The following DACH2 variants were observed in gnomAD, a reference collection of about 807,000 sequenced individuals.
DACH2 encodes dachshund homolog 2.
In DACH2, 17 loss-of-function variants were observed where a neutral mutation model predicts 35.8. That is an observed-to-expected ratio of 0.48 (90% CI 0.33 to 0.71). The LOEUF (loss-of-function observed/expected upper bound fraction) is 0.71. Among genes scored for constraint, DACH2 ranks in the 30% least tolerant of loss-of-function variants. The pLI is 0.02. For missense variants in DACH2, 469 were observed against 472.7 expected, an observed-to-expected ratio of 0.99 and a Z score of 0.07; for synonymous variants, 195 against 177.3, an observed-to-expected ratio of 1.10 and a Z score of -0.79.
At chrX:86,295,425 G>A (rs545979761) in intron 1 of DACH2, among the ~76,000 whole-genome samples, 51 of 111,815 alleles carry the variant, frequency 4.6e-4, no homozygotes, top group African/African-American at 1.4e-3. Context: ...GTTCCTATTC[G>A]CTCTAAGCAG....
At chrX:86,222,739 A>T (rs192955142) in intron 1 of DACH2, among the ~76,000 whole-genome samples, 1 of 111,146 alleles carries the variant, frequency 9.0e-6, no homozygotes. Context: ...AGTACTAGGA[A>T]ATGGGACACA....
At chrX:86,336,502 C>T (rs984638443) in intron 1 of DACH2, among the ~76,000 whole-genome samples, 4 of 111,480 alleles carry the variant, frequency 3.6e-5, no homozygotes, top group Admixed American at 2.9e-4. Flanking sequence ...AGCAGATGGG[C>T]CTGACTGTTA....
At chrX:86,160,649 T>C (rs1293027274) in intron 1 of DACH2, 39 of 500,545 alleles carry the variant, frequency 7.8e-5, no homozygotes, top group Non-Finnish European at 1.3e-4. Flanking sequence ...ACCAGCAATG[T>C]TGCCACAACG....
intron 1 of DACH2, among the ~76,000 whole-genome samples, chrX:86,284,293 A>G (rs1214365694): frequency 9.0e-6 from 1 of 111,448 alleles, no homozygotes; most frequent in African/African-American, 3.3e-5. Context: ...GGTATTTATC[A>G]TGAAGGGGTG....
At chrX:86,372,094 G>A (rs1011089386) in intron 1 of DACH2, among the ~76,000 whole-genome samples, 2 of 110,845 alleles carry the variant, frequency 1.8e-5, no homozygotes, top group East Asian at 2.8e-4. Flanking sequence ...CGATCTTTTC[G>A]AATTTTAAAT....
At chrX:86,758,777 A>C (rs1312579824) in intron 7 of DACH2, among the ~76,000 whole-genome samples, 1 of 111,964 alleles carries the variant, frequency 8.9e-6, no homozygotes, top group Non-Finnish European at 1.9e-5. Flanking sequence ...TATAATTTAT[A>C]ATTTTTGTGA....
chrX:86,732,999 G>A (rs1029645878), intron 6 of DACH2, among the ~76,000 whole-genome samples: 1 of 111,239 alleles, frequency 9.0e-6, no homozygotes, highest in Non-Finnish European at 1.9e-5. Flanking sequence ...GAGCCTGATG[G>A]GGGCTGGAGA....
At chrX:86,777,569 A>G (rs1169055168) in intron 7 of DACH2, among the ~76,000 whole-genome samples, 1 of 111,691 alleles carries the variant, frequency 9.0e-6, no homozygotes, top group Non-Finnish European at 1.9e-5. Context: ...TTTGTTGAGA[A>G]TACAAATAAC....
intron 2 of DACH2, among the ~76,000 whole-genome samples, chrX:86,483,276 T>A (rs905834047): frequency 9.9e-5 from 11 of 111,085 alleles, no homozygotes; most frequent in Non-Finnish European, 2.1e-4. Flanking sequence ...AATATATACC[T>A]GATGTTAATA....
At chrX:86,610,026 A>G (rs1450019137) in intron 3 of DACH2, among the ~76,000 whole-genome samples, 1 of 111,686 alleles carries the variant, frequency 9.0e-6, no homozygotes, top group Non-Finnish European at 1.9e-5. Flanking sequence ...AAGTCAGCCG[A>G]GTCTGTGTTT....
intron 2 of DACH2, among the ~76,000 whole-genome samples, chrX:86,476,578 G>C (rs2037846984): frequency 9.1e-6 from 1 of 110,306 alleles, no homozygotes; most frequent in African/African-American, 3.3e-5. Context: ...TGTCAGTTTT[G>C]GTTAACTTTT....
chrX:86,549,563 A>G lies in DACH2; in HGVS notation c.640+35172A>G, dbSNP rs752812813. The stretch of plus-strand genomic sequence containing the variant: ...CTTTCAGGTATAAGTTACGAATACT[A>G]TTTATATTTTTTTAAATTAAATTTT... On this transcript the variant is annotated intron_variant, in intron 3 of 11. Coordinates refer to ENST00000373125, the MANE Select transcript of DACH2 (RefSeq NM_053281.3). 2.7e-5 allele frequency among the ~76,000 whole-genome samples: 3 copies of G among 109,956 alleles called. No individual in the cohort carries two copies. The East Asian group carries it at 8.6e-4, about 32-fold the overall frequency.
At chrX:86,254,199 T>G (rs191004124) in intron 1 of DACH2, among the ~76,000 whole-genome samples, 1 of 111,639 alleles carries the variant, frequency 9.0e-6, no homozygotes, top group South Asian at 3.7e-4. Context: ...GCTAACAATT[T>G]CTAATATGTT....
chrX:86,333,300 A>G lies in DACH2; in HGVS notation c.489-43524A>G, dbSNP rs769719587. On this transcript the variant is annotated intron_variant, in intron 1 of 11. Transcript: ENST00000373125. ...ATTTAAAAATCATGCACACTTATGA[A>G]AAAGGTGAGCCTATTGTTTAATTTC... is the stretch of plus-strand genomic sequence containing the variant. Among the ~76,000 whole-genome samples, 137 of 112,190 alleles carry G rather than the reference A, an allele frequency of 1.2e-3. 3 individuals carry two copies. Among genetic ancestry groups the G allele is most frequent in the African/African-American group, 3.0e-3 (93 of 30,929 alleles).
intron 2 of DACH2, among the ~76,000 whole-genome samples, chrX:86,472,456 T>G (rs2037774645): frequency 9.0e-6 from 1 of 111,689 alleles, no homozygotes; most frequent in Non-Finnish European, 1.9e-5. Flanking sequence ...CATTTCAGAC[T>G]TCTGACCCCA....
intron 1 of DACH2, among the ~76,000 whole-genome samples, chrX:86,296,576 G>A (rs1456294404): frequency 3.6e-5 from 4 of 110,599 alleles, no homozygotes; most frequent in Non-Finnish European, 5.7e-5. Context: ...TATATTAGAG[G>A]ATAATCTTAT....
At chrX:86,458,924 C>T (rs775329434) in intron 2 of DACH2, among the ~76,000 whole-genome samples, 26 of 110,162 alleles carry the variant, frequency 2.4e-4, no homozygotes, top group East Asian at 1.1e-3. Context: ...ATGTAGGTGA[C>T]GAGTTGATAG....
chrX:86,289,690 C>T (rs774722823), intron 1 of DACH2, among the ~76,000 whole-genome samples: 30 of 104,974 alleles, frequency 2.9e-4, no homozygotes, highest in Admixed American at 8.4e-4. Flanking sequence ...TTTCTTCTTG[C>T]GATAGTTTAC....
chrX:86,799,263 G>C (rs1371149377), intron 7 of DACH2: 2 of 165,195 alleles, frequency 1.2e-5, no homozygotes, highest in East Asian at 4.2e-4. Flanking sequence ...CTTCCCAACA[G>C]CCAGACCCCA....
Sources: gnomAD v4.1 joint callset for allele counts (sites outside exome capture counted in the v4.1 genomes callset) on GRCh38, gnomAD v4.1.1 for gene constraint, MANE v1.5 for transcripts, NCBI Gene and HGNC (gene_info 2026-07-23, HGNC 2026-07-21) for gene names.